Variants in APBB2 observed in about 807,000 individuals in gnomAD.
APBB2 encodes the protein Fe65-like 1.
Under a neutral mutation model 82.5 loss-of-function variants are expected in APBB2, and 38 were observed. That is an observed-to-expected ratio of 0.46 (90% CI 0.36 to 0.60). The LOEUF is 0.60. Among genes scored for constraint, APBB2 ranks in the 20% least tolerant of loss-of-function variants. The pLI is 0.00. For missense variants in APBB2, 772 were observed against 972.3 expected (o/e 0.79, Z 2.74); for synonymous variants, 341 against 368.2 (o/e 0.93, Z 0.85).
intron 4 of APBB2, among the ~76,000 whole-genome samples, chr4:41,065,218 G>A (rs928597937): frequency 1.3e-5 from 2 of 152,090 alleles, no homozygotes; most frequent in East Asian, 3.9e-4. Context: ...CCAGAAGTTC[G>A]AAGCTACAGT....
At chr4:41,011,062 T>C (rs1808207609) in intron 6 of APBB2, among the ~76,000 whole-genome samples, 1 of 152,068 alleles carries the variant, frequency 6.6e-6, no homozygotes, top group Non-Finnish European at 1.5e-5. Flanking sequence ...TAGATTAGTA[T>C]TTTATATTAG....
At chr4:41,040,208 G>A (rs1457130394) in intron 4 of APBB2, among the ~76,000 whole-genome samples, 1 of 152,092 alleles carries the variant, frequency 6.6e-6, no homozygotes, top group African/African-American at 2.4e-5. Flanking sequence ...AAATCTACAG[G>A]ATTATTTTAG....
intron 1 of APBB2, among the ~76,000 whole-genome samples, chr4:41,152,614 C>T (rs2154028664): frequency 6.6e-6 from 1 of 152,308 alleles, no homozygotes; most frequent in Middle Eastern, 3.4e-3. Flanking sequence ...AGGCATGAGC[C>T]ACCGCGCCCG....
At chr4:41,039,787 G>A (rs1720629749) in intron 4 of APBB2, among the ~76,000 whole-genome samples, 1 of 150,100 alleles carries the variant, frequency 6.7e-6, no homozygotes, top group Admixed American at 6.7e-5. Flanking sequence ...TTGAGCCCAG[G>A]AGTTCAGTGC....
At chr4:41,134,675 C>CT (rs1757080750) in intron 2 of APBB2, among the ~76,000 whole-genome samples, 1 of 152,138 alleles carries the variant, frequency 6.6e-6, no homozygotes, top group Admixed American at 6.5e-5. Flanking sequence ...GTAACACTGT[C>CT]TCTGTCAAAG....
At chr4:41,136,029 T>C (rs895773481) in intron 2 of APBB2, among the ~76,000 whole-genome samples, 1 of 152,204 alleles carries the variant, frequency 6.6e-6, no homozygotes, top group South Asian at 2.1e-4. Context: ...TTGATCTGAT[T>C]TTGCTTCATC....
intron 2 of APBB2, among the ~76,000 whole-genome samples, chr4:41,117,706 C>A (rs1280698950): frequency 2.0e-5 from 3 of 152,122 alleles, no homozygotes; most frequent in Admixed American, 1.3e-4. Context: ...CCACTCAGCC[C>A]CATCTGCTTC....
At chr4:40,873,955 T>G (rs1243316914) in intron 12 of APBB2, among the ~76,000 whole-genome samples, 1 of 152,230 alleles carries the variant, frequency 6.6e-6, no homozygotes, top group Non-Finnish European at 1.5e-5. Flanking sequence ...CTCTGTTTAT[T>G]TATCAAAATT....
Position 40,913,290 on chromosome 4 carries a change from T to C in APBB2, c.1255-19879A>G, listed in dbSNP as rs187739002. Among the ~76,000 whole-genome samples, 16 of 150,226 alleles carry C rather than the reference T, an allele frequency of 1.1e-4. No homozygotes were observed. The East Asian group carries it at 2.3e-3, about 22-fold the overall frequency. Reference sequence around the variant, plus strand: ...AATAGTAACAGGTATATTTGCAATATGGAAAATGTAATTCTCAAATAAATA... The same window carrying C: ...AATAGTAACAGGTATATTTGCAATACGGAAAATGTAATTCTCAAATAAATA... On this transcript the variant is annotated intron_variant, in intron 10 of 17. Coordinates refer to ENST00000508593, the MANE Select transcript of APBB2 (RefSeq NM_004307.2).
At chr4:40,862,984 G>C (rs2437322) in intron 12 of APBB2, among the ~76,000 whole-genome samples, 1 of 152,030 alleles carries the variant, frequency 6.6e-6, no homozygotes, top group African/African-American at 2.4e-5. Context: ...AGGTGTTCAG[G>C]GGGCTGTACA....
chr4:40,942,437 G>A (rs1787257236), intron 7 of APBB2, among the ~76,000 whole-genome samples: 1 of 152,082 alleles, frequency 6.6e-6, no homozygotes, highest in Non-Finnish European at 1.5e-5. Flanking sequence ...CTGGAGTCAG[G>A]GAACTGGATA....
At chr4:40,988,767 C>CTT (rs557265622) in intron 6 of APBB2, among the ~76,000 whole-genome samples, 5 of 139,522 alleles carry the variant, frequency 3.6e-5, no homozygotes, top group African/African-American at 7.8e-5. Flanking sequence ...AATCCAAAGT[C>CTT]TTTTTTTTTT....
Position 41,200,000 on chromosome 4 carries a change from G to T in APBB2, c.-417+14405C>A, listed in dbSNP as rs534462761. The stretch of plus-strand genomic sequence containing the variant: ...GGGAAATGATCTGGTATGAGTAATT[G>T]TTAACCAACCCACTTCAAGAATTAC... On this transcript the variant is annotated intron_variant, in intron 1 of 17. Transcript: ENST00000508593. 2.0e-5 allele frequency among the ~76,000 whole-genome samples: 3 copies of T among 152,306 alleles called. No homozygotes were observed. In the South Asian group the frequency reaches 6.2e-4, roughly 32 times the overall value.
chr4:40,892,086 G>A (rs1772208294), intron 11 of APBB2, among the ~76,000 whole-genome samples: 3 of 151,980 alleles, frequency 2.0e-5, no homozygotes, highest in Admixed American at 2.0e-4. Context: ...GAGTAGCTGG[G>A]ACTACAGGTG....
At position 41,134,393 on chromosome 4, in the gene APBB2, C is replaced by T. The variant is rs186531389; in HGVS notation, c.-261+8594G>A. Among the ~76,000 whole-genome samples the T allele has an allele frequency of 1.2e-4, 18 of 152,210 alleles. No homozygotes were observed. The East Asian group carries it at 3.1e-3, about 26-fold the overall frequency. ...AGGAGATGGAGACCATCCTGGCTAA[C>T]ATGGTGAAACCCCATCTCTACTAAA... On this transcript the variant is annotated intron_variant, in intron 2 of 17. Transcript: ENST00000508593.
intron 6 of APBB2, among the ~76,000 whole-genome samples, chr4:40,945,407 TAGTTATACAC>T (rs140032519): frequency 0.03 from 4,630 of 152,220 alleles, 227 homozygotes; most frequent in African/African-American, 0.11. Context: ...AAAATTCACA[TAGTTATACAC>T]AGTGTACTGA....
chr4:40,846,867 A>G (rs1269525885), intron 12 of APBB2, among the ~76,000 whole-genome samples: 1 of 152,230 alleles, frequency 6.6e-6, no homozygotes, highest in Admixed American at 6.5e-5. Flanking sequence ...GAGTATTTTT[A>G]AAAGTCCATC....
At chr4:41,182,728 C>T (rs544558997) in intron 1 of APBB2, among the ~76,000 whole-genome samples, 5 of 152,272 alleles carry the variant, frequency 3.3e-5, no homozygotes, top group African/African-American at 7.2e-5. Flanking sequence ...GGAAGCAAGG[C>T]GCCTTCCTCA....
chr4:41,063,724 G>A (rs931077196), intron 4 of APBB2, among the ~76,000 whole-genome samples: 23 of 152,150 alleles, frequency 1.5e-4, no homozygotes, highest in Middle Eastern at 3.4e-3. Context: ...TGTCACCCAC[G>A]CCGGAATGCA....
Sources: gnomAD v4.1 joint callset for allele counts (sites outside exome capture counted in the v4.1 genomes callset) on GRCh38, gnomAD v4.1.1 for gene constraint, MANE v1.5 for transcripts, NCBI Gene and HGNC (gene_info 2026-07-23, HGNC 2026-07-21) for gene names.